AMH: variants seen among roughly 807,000 people sequenced by gnomAD.
AMH encodes anti-Mullerian hormone.
AMH carries 39 observed loss-of-function variants against 33.3 expected under a neutral mutation model. The observed-to-expected ratio is 1.17, with a 90% CI of 0.91 to 1.53. The LOEUF (loss-of-function observed/expected upper bound fraction) is 1.53. AMH is among the 40% of genes most tolerant of loss of function. The probability of loss-of-function intolerance (pLI) is 0.00; values close to 1 mark genes in which losing one functional copy is unlikely to be tolerated. For missense variants in AMH, 1,019 were observed against 799.8 expected, an observed-to-expected ratio of 1.27 and a Z score of -3.30; for synonymous variants, 536 against 403.0, an observed-to-expected ratio of 1.33 and a Z score of -3.95.
Position 2,251,013 on chromosome 19 carries a change from G to A in AMH, c.824+5G>A. 6.6e-7 allele frequency: 1 copy of A among 1,515,182 alleles called. No individual in the cohort carries two copies. The highest frequency in any genetic ancestry group is 1.4e-5 in the African/African-American group (1 of 70,064). The allele number at this position is 1,515,182 out of a possible 1,614,324, so 93.9% of individuals were successfully genotyped here. On this transcript the variant is annotated splice_donor_5th_base_variant and intron_variant, in intron 4 of 4. Transcript: ENST00000221496. The stretch of plus-strand genomic sequence containing the variant: ...CGTGCCCTTCCCGCCGCCCAGGTGC[G>A]CGCAGGCACCGGGACACGGGGCAGG...
rs145122767 is a variant in AMH at position 2,249,355 on chromosome 19, G to C, written c.23G>C (p.Ser8Thr). The stretch of plus-strand genomic sequence containing the variant: ...ACGATGCGGGACCTGCCTCTCACCA[G>C]CCTGGCCCTAGTGCTGTCTGCCCTG... MRDLPLT[S>T]LALVLSALGA... is the part of the protein sequence containing the mutation. The change falls in exon 1 of 5, where the codon AGC becomes ACC. Residue 8 changes from serine to threonine, a missense_variant. Ser to Thr is a moderately conservative substitution (Grantham distance 58). Transcript: ENST00000221496. The C allele has an allele frequency of 8.4e-5, 132 of 1,578,786 alleles. No homozygotes were observed. In the Admixed American group the frequency reaches 1.1e-3, roughly 13 times the overall value.
In AMH at chr19:2,250,973, C is replaced by T. The variant is rs758383760; in HGVS notation, c.789C>T (p.His263=). The change falls in exon 4 of 5, where the codon CAC becomes CAT. Residue 263 remains histidine (H), a synonymous_variant. Transcript: ENST00000221496. ...CCGAGCCCGCGCCGCTGCCTGCGCA[C>T]GGCCAGCTGGACACCGTGCCCTTCC... The part of the protein sequence containing the change: ...PRSEPAPLPA[H]GQLDTVPFPP... 15 of 1,520,452 alleles carry T rather than the reference C, an allele frequency of 9.9e-6. No homozygotes were observed. In the Middle Eastern group the frequency reaches 7.9e-4, roughly 81 times the overall value. The allele number at this position is 1,520,452 out of a possible 1,614,324, so 94.2% of individuals were successfully genotyped here. A position where few individuals can be genotyped will look rare whatever the true frequency, so the allele number is the denominator to read the frequency against.
In AMH at chr19:2,249,364, T is replaced by A. The variant is rs1342627903; in HGVS notation, c.32T>A (p.Leu11Gln). 1 of 1,582,030 alleles carries A rather than the reference T, an allele frequency of 6.3e-7. No homozygotes were observed. Among genetic ancestry groups the A allele is most frequent in the Non-Finnish European group, 8.6e-7 (1 of 1,165,290 alleles). Residue 11 changes from leucine to glutamine, a missense_variant, in exon 1 of 5, where the codon CTA (leucine) becomes CAA (glutamine). Coordinates refer to ENST00000221496, the MANE Select transcript of AMH (RefSeq NM_000479.5). MRDLPLTSLA[L>Q]VLSALGALLG... ...GACCTGCCTCTCACCAGCCTGGCCC[T>A]AGTGCTGTCTGCCCTGGGGGCTCTG...
Position 2,249,554 on chromosome 19 carries a change from G to A in AMH, c.222G>A (p.Gly74=). The A allele has an allele frequency of 1.9e-6, 3 of 1,586,464 alleles. No individual in the cohort carries two copies. Among genetic ancestry groups the A allele is most frequent in the Non-Finnish European group, 1.7e-6 (2 of 1,168,942 alleles). The change falls in exon 1 of 5, where the codon GGG becomes GGA. Residue 74 remains glycine, a synonymous_variant. Transcript: ENST00000221496. The part of the protein sequence containing the change: ...NGSSSPLRVV[G]ALSAYEQAFL... ...GCAGCTCCCCCCTGCGGGTGGTGGG[G>A]GCTCTAAGCGCCTATGAGCAGGCCT...
rs147681174 is a variant in AMH, at chr19:2,249,401, G to A, written c.69G>A (p.Glu23=). The A allele has an allele frequency of 4.1e-5, 66 of 1,593,652 alleles. No homozygotes were observed. In the African/African-American group the frequency reaches 7.8e-4, roughly 19 times the overall value. Residue 23 remains glutamate (E), a synonymous_variant, in exon 1 of 5, where the codon GAG becomes GAA. Coordinates refer to ENST00000221496, the MANE Select transcript of AMH (RefSeq NM_000479.5). ...CCCTGGGGGCTCTGCTGGGGACTGA[G>A]GCCCTCAGAGCAGAGGAGCCAGCTG... is the stretch of plus-strand genomic sequence containing the variant. ...LSALGALLGT[E]ALRAEEPAVG... is the part of the protein sequence containing the mutation.
chr19:2,251,884 T>G lies in AMH; in HGVS notation c.1610T>G (p.Ile537Ser). ...ACCGCCTACGCGGGCAAGCTGCTCATCAGCCTGTCGGAGGAGCGCATCAGC... is the reference window on the plus strand; with the variant it reads ...ACCGCCTACGCGGGCAAGCTGCTCAGCAGCCTGTCGGAGGAGCGCATCAGC... ...VPTAYAGKLL[I>S]SLSEERISAH... The change falls in exon 5 of 5, where the codon ATC (isoleucine) becomes AGC (serine). Residue 537 changes from isoleucine (I) to serine (S), a missense_variant. Physicochemically the swap from Ile to Ser is moderately radical, Grantham distance 142. Coordinates refer to ENST00000221496, the MANE Select transcript of AMH (RefSeq NM_000479.5). 1 of 1,581,662 alleles carries G rather than the reference T, an allele frequency of 6.3e-7. No individual in the cohort carries two copies. The highest frequency in any genetic ancestry group is 1.3e-5 in the African/African-American group (1 of 74,324).
At chr19:2,251,058 G>T in intron 4 of AMH, 41 bp from the exon 5 acceptor site, 1 of 1,529,452 alleles carries the variant, frequency 6.5e-7, no homozygotes, top group Non-Finnish European at 8.7e-7. Flanking sequence ...GGGCGGCGTG[G>T]CCTCGTGGCC....
At chr19:2,249,869 A>G in intron 1 of AMH, 125 bp downstream of exon 1, 1 of 1,190,344 alleles carries the variant, frequency 8.4e-7, no homozygotes, top group Non-Finnish European at 1.1e-6. Context: ...TCTTGTTCCT[A>G]GGACTGGGTT....
In AMH at chr19:2,251,321, G is replaced by GCTGAGGCCCA. The variant is rs1568394512; in HGVS notation, c.1051_1060dup (p.Ala354GlufsTer32). The GCTGAGGCCCA allele has an allele frequency of 6.7e-7, 1 of 1,500,862 alleles. No individual in the cohort carries two copies. The highest frequency in any genetic ancestry group is 8.8e-7 in the Non-Finnish European group (1 of 1,132,690). The allele number at this position is 1,500,862 out of a possible 1,614,324, so 93.0% of individuals were successfully genotyped here. ...ACGGCGAGGAGCCGCTGCTGCTGCT[G>GCTGAGGCCCA]CTGAGGCCCACTGCGGCCACCACCG... On this transcript the variant is annotated frameshift_variant, in exon 5 of 5. Transcript: ENST00000221496. LOFTEE classifies it low-confidence loss of function (END_TRUNC).
In AMH at chr19:2,250,764, G is replaced by A. The variant is rs2025022897; in HGVS notation, c.664+4G>A. 5 of 1,535,096 alleles carry A rather than the reference G, an allele frequency of 3.3e-6. No homozygotes were observed. Among genetic ancestry groups the A allele is most frequent in the Non-Finnish European group, 4.4e-6 (5 of 1,146,840 alleles). On this transcript the variant is annotated splice_donor_region_variant and intron_variant, in intron 3 of 4. Coordinates refer to ENST00000221496, the MANE Select transcript of AMH (RefSeq NM_000479.5). ...ACCCTGCAGCCCCGCGGAGAGGGTA[G>A]GTCCGCGTGGAGAGGGACGGGGAGC...
intron 1 of AMH, 55 bp from the exon 2 acceptor site, chr19:2,250,282 T>A: frequency 1.3e-6 from 2 of 1,552,696 alleles, no homozygotes; most frequent in Non-Finnish European, 1.7e-6. Flanking sequence ...TCCCAAAGAT[T>A]CCCGGGGGGT....
chr19:2,249,423 G>C lies in AMH; in HGVS notation c.91G>C (p.Ala31Pro), dbSNP rs766829297. Reference protein sequence around the residue: ...GTEALRAEEPAVGTSGLIFRE... With the variant: ...GTEALRAEEPPVGTSGLIFRE... ...TGAGGCCCTCAGAGCAGAGGAGCCA[G>C]CTGTGGGCACCAGTGGCCTCATCTT... The change falls in exon 1 of 5, where the codon GCT (alanine) becomes CCT (proline). Residue 31 changes from alanine to proline, a missense_variant. Coordinates refer to ENST00000221496, the MANE Select transcript of AMH (RefSeq NM_000479.5). 10 of 1,598,818 alleles carry C rather than the reference G, an allele frequency of 6.3e-6. No individual in the cohort carries two copies. In the South Asian group the frequency reaches 7.9e-5, roughly 13 times the overall value.
In AMH at chr19:2,251,142, T is replaced by G. The variant is rs1215681160; in HGVS notation, c.868T>G (p.Phe290Val). The G allele has an allele frequency of 6.5e-7, 1 of 1,532,396 alleles. No homozygotes were observed. The highest frequency in any genetic ancestry group is 1.9e-5 in the Admixed American group (1 of 51,792). 94.9% of individuals were successfully genotyped at this position (1,532,396 alleles called of 1,614,324 possible). A position where few individuals can be genotyped will look rare whatever the true frequency, so the allele number is the denominator to read the frequency against. ...LEESPPSADP[F>V]LETLTRLVRA... ...GGAGTCGCCACCCAGCGCAGACCCC[T>G]TCCTGGAGACGCTCACGCGCCTGGT... The change falls in exon 5 of 5, where the codon TTC (phenylalanine) becomes GTC (valine). Residue 290 changes from phenylalanine to valine, a missense_variant. Physicochemically the swap from Phe to Val is conservative, Grantham distance 50. Transcript: ENST00000221496.
At position 2,251,017 on chromosome 19, in the gene AMH, A is replaced by C. The variant is rs1215434323; in HGVS notation, c.824+9A>C. 6 of 1,515,216 alleles carry C rather than the reference A, an allele frequency of 4.0e-6. No individual in the cohort carries two copies. In the East Asian group the frequency reaches 1.6e-4, roughly 39 times the overall value. 93.9% of individuals were successfully genotyped at this position (1,515,216 alleles called of 1,614,324 possible). A position where few individuals can be genotyped will look rare whatever the true frequency, so the allele number is the denominator to read the frequency against. ...CCCTTCCCGCCGCCCAGGTGCGCGC[A>C]GGCACCGGGACACGGGGCAGGAGCG... On this transcript the variant is annotated intron_variant, in intron 4 of 4. Transcript: ENST00000221496.
At position 2,249,451 on chromosome 19, in the gene AMH, G is replaced by T. The variant is rs576266262; in HGVS notation, c.119G>T (p.Arg40Leu). 3 of 1,604,968 alleles carry T rather than the reference G, an allele frequency of 1.9e-6. No homozygotes were observed. Among genetic ancestry groups the T allele is most frequent in the Non-Finnish European group, 2.5e-6 (3 of 1,176,610 alleles). Reference protein sequence around the residue: ...PAVGTSGLIFREDLDWPPGSP... With the variant: ...PAVGTSGLIFLEDLDWPPGSP... ...GTGGGCACCAGTGGCCTCATCTTCC[G>T]AGAAGACTTGGACTGGCCTCCAGGC... The change falls in exon 1 of 5, where the codon CGA becomes CTA. Residue 40 changes from arginine to leucine, a missense_variant. Coordinates refer to ENST00000221496, the MANE Select transcript of AMH (RefSeq NM_000479.5).
intron 1 of AMH, 35 bp from the exon 2 acceptor site, chr19:2,250,302 A>C (rs1455955332): frequency 6.4e-7 from 1 of 1,574,326 alleles, no homozygotes. Context: ...TGTGGCCTTC[A>C]ATGGCTCAGG....
In AMH at chr19:2,251,476, C is replaced by A. The variant is rs1338124326; in HGVS notation, c.1202C>A (p.Ala401Asp). Residue 401 changes from alanine to aspartate, a missense_variant, in exon 5 of 5, where the codon GCC (alanine) becomes GAC (aspartate). Ala to Asp is a moderately radical substitution (Grantham distance 126). Transcript: ENST00000221496. ...CTCCCGGGTCTGCCTCCGGCCACAG[C>A]CCCGCTGCTGGCGCGCCTGCTCGCG... is the stretch of plus-strand genomic sequence containing the variant. ...RSLPGLPPAT[A>D]PLLARLLALC... The A allele has an allele frequency of 1.4e-6, 2 of 1,395,028 alleles. No homozygotes were observed. Among genetic ancestry groups the A allele is most frequent in the African/African-American group, 1.5e-5 (1 of 65,962 alleles). The allele number at this position is 1,395,028 out of a possible 1,614,324, so 86.4% of individuals were successfully genotyped here.
chr19:2,249,940 T>TATA (rs2025000226), intron 1 of AMH, 196 bp downstream of exon 1: 1 of 698,858 alleles, frequency 1.4e-6, no homozygotes, highest in South Asian at 2.1e-5. Flanking sequence ...GCCCAGCTCT[T>TATA]AGACTTGCCC....
chr19:2,250,179 C>A, intron 1 of AMH, 158 bp from the exon 2 acceptor site: 2 of 1,272,100 alleles, frequency 1.6e-6, no homozygotes, highest in South Asian at 1.3e-5. Flanking sequence ...CCCCTGCCGT[C>A]ACCGCTCCCT....
Sources: gnomAD v4.1 joint callset for allele counts on GRCh38, gnomAD v4.1.1 for gene constraint, MANE v1.5 for transcripts, NCBI Gene and HGNC (gene_info 2026-07-23, HGNC 2026-07-21) for gene names.